CNTNAP2: variants seen among roughly 807,000 people sequenced by gnomAD.
The protein encoded by CNTNAP2 is contactin-associated protein-like 2.
In CNTNAP2, 98 loss-of-function variants were observed where a neutral mutation model predicts 155.2. The observed-to-expected ratio is 0.63, with a 90% CI of 0.54 to 0.75. The LOEUF (loss-of-function observed/expected upper bound fraction) is 0.75. Among genes scored for constraint, CNTNAP2 ranks in the 30% least tolerant of loss-of-function variants. The pLI is 0.00. For synonymous variants in CNTNAP2, 651 were observed against 631.2 expected, an observed-to-expected ratio of 1.03 and a Z score of -0.47; for missense variants, 1,727 against 1,688.1, an observed-to-expected ratio of 1.02 and a Z score of -0.40.
At chr7:146,662,312 A>G (rs903189748) in intron 1 of CNTNAP2, among the ~76,000 whole-genome samples, 3 of 151,358 alleles carry the variant, frequency 2.0e-5, no homozygotes, top group Admixed American at 1.3e-4. Context: ...TAGTTTTTCT[A>G]TTTTTAGCAG....
chr7:146,700,111 G>A (rs1473957642), intron 1 of CNTNAP2, among the ~76,000 whole-genome samples: 1 of 152,158 alleles, frequency 6.6e-6, no homozygotes, highest in Non-Finnish European at 1.5e-5. Context: ...ATGAATAAGA[G>A]TGTAGCCCCT....
At chr7:146,728,856 T>C (rs371103471) in intron 1 of CNTNAP2, among the ~76,000 whole-genome samples, 3 of 152,238 alleles carry the variant, frequency 2.0e-5, no homozygotes, top group South Asian at 2.1e-4. Context: ...CTGTTTACCA[T>C]AGAAGGGGAT....
intron 1 of CNTNAP2, among the ~76,000 whole-genome samples, chr7:146,197,582 G>T (rs749713622): frequency 5.3e-5 from 8 of 152,078 alleles, no homozygotes; most frequent in Non-Finnish European, 4.4e-5. Context: ...TCACTAATTT[G>T]TTTCCAGATA....
At chr7:146,161,954 G>C (rs1375182186) in intron 1 of CNTNAP2, among the ~76,000 whole-genome samples, 2 of 152,108 alleles carry the variant, frequency 1.3e-5, no homozygotes, top group African/African-American at 4.8e-5. Context: ...AAACTGGCTA[G>C]CCATATGTAG....
intron 3 of CNTNAP2, among the ~76,000 whole-genome samples, chr7:147,002,212 T>A (rs568343133): frequency 6.6e-6 from 1 of 152,150 alleles, no homozygotes; most frequent in South Asian, 2.1e-4. Context: ...AAAAAGAGAA[T>A]GTCCAGCCAA....
intron 1 of CNTNAP2, among the ~76,000 whole-genome samples, chr7:146,739,969 T>C (rs954085127): frequency 2.6e-5 from 4 of 152,084 alleles, no homozygotes; most frequent in Non-Finnish European, 5.9e-5. Flanking sequence ...TTCTATTCTC[T>C]TTTGGTTTCT....
At chr7:147,504,233 C>CTCAGA (rs1798867183) in intron 11 of CNTNAP2, among the ~76,000 whole-genome samples, 1 of 152,096 alleles carries the variant, frequency 6.6e-6, no homozygotes, top group Admixed American at 6.5e-5. Flanking sequence ...CCCAGTGCAT[C>CTCAGA]AGCCTGAGAG....
At chr7:146,291,547 T>C (rs1266244105) in intron 1 of CNTNAP2, among the ~76,000 whole-genome samples, 4 of 152,138 alleles carry the variant, frequency 2.6e-5, no homozygotes, top group African/African-American at 4.8e-5. Context: ...TACTTAGACC[T>C]TCACAGAAAC....
chr7:146,148,475 A>G (rs1195280849), intron 1 of CNTNAP2, among the ~76,000 whole-genome samples: 1 of 152,150 alleles, frequency 6.6e-6, no homozygotes, highest in East Asian at 1.9e-4. Context: ...AGAATTCTCA[A>G]TGTGGGGTTA....
At chr7:147,603,776 C>T (rs1009551754) in intron 12 of CNTNAP2, among the ~76,000 whole-genome samples, 1 of 150,630 alleles carries the variant, frequency 6.6e-6, no homozygotes, top group Non-Finnish European at 1.5e-5. Context: ...CAATCCTAAG[C>T]CAAAAGAACA....
At chr7:147,860,747 C>T (rs554191527) in intron 13 of CNTNAP2, among the ~76,000 whole-genome samples, 252 of 152,258 alleles carry the variant, frequency 1.7e-3, no homozygotes, top group African/African-American at 5.7e-3. Context: ...AACTAAACCT[C>T]TTTCTTTATA....
chr7:148,183,552 G>A (rs766059035), intron 18 of CNTNAP2, among the ~76,000 whole-genome samples: 4 of 147,232 alleles, frequency 2.7e-5, no homozygotes, highest in Admixed American at 6.9e-5. Flanking sequence ...TGCAATGATG[G>A]CTCACTGCAT....
chr7:146,333,708 A>G (rs2129095041), intron 1 of CNTNAP2, among the ~76,000 whole-genome samples: 1 of 152,362 alleles, frequency 6.6e-6, no homozygotes, highest in Middle Eastern at 3.4e-3. Flanking sequence ...AACATGATAG[A>G]AAATTATTTC....
At chr7:146,136,122 G>A (rs1316369875) in intron 1 of CNTNAP2, among the ~76,000 whole-genome samples, 1 of 152,050 alleles carries the variant, frequency 6.6e-6, no homozygotes, top group Non-Finnish European at 1.5e-5. Context: ...CTAATAAAAA[G>A]CATTTCCACA....
intron 13 of CNTNAP2, among the ~76,000 whole-genome samples, chr7:147,819,338 G>T (rs1402102465): frequency 6.6e-6 from 1 of 152,048 alleles, no homozygotes; most frequent in Admixed American, 6.6e-5. Context: ...TTTCACTTCA[G>T]CTTTTCAACA....
At chr7:147,572,677 A>G (rs553926312) in intron 12 of CNTNAP2, among the ~76,000 whole-genome samples, 14 of 150,894 alleles carry the variant, frequency 9.3e-5, no homozygotes, top group Admixed American at 5.3e-4. Context: ...GTCTACAGTA[A>G]TCAACTATTC....
rs140936620 is a variant in CNTNAP2, at chr7:148,087,182, G to A, written c.2384-30936G>A. Among the ~76,000 whole-genome samples the A allele has an allele frequency of 3.4e-3, 520 of 152,132 alleles. 3 individuals carry two copies. The highest frequency in any genetic ancestry group is 0.012 in the African/African-American group (496 of 41,496). On this transcript the variant is annotated intron_variant, in intron 15 of 23. Transcript: ENST00000361727. ...GGTCACTGGTACCAATAAAATGCTA[G>A]TCTTCATTCCTATCCAGTTATTATG...
intron 3 of CNTNAP2, among the ~76,000 whole-genome samples, chr7:146,890,297 TG>T (rs1795750065): frequency 6.6e-6 from 1 of 152,202 alleles, no homozygotes; most frequent in Non-Finnish European, 1.5e-5. Flanking sequence ...CAGTTGAAGC[TG>T]GTATCGCTGT....
chr7:146,850,442 G>A (rs978597828), intron 3 of CNTNAP2, among the ~76,000 whole-genome samples: 4 of 152,174 alleles, frequency 2.6e-5, no homozygotes, highest in Admixed American at 1.3e-4. Flanking sequence ...AACTTCAGCT[G>A]CACAAATTAA....
Sources: allele counts gnomAD v4.1 joint callset (sites outside exome capture counted in the v4.1 genomes callset), GRCh38; gene constraint gnomAD v4.1.1; transcripts MANE v1.5; gene names NCBI Gene and HGNC (gene_info 2026-07-23, HGNC 2026-07-21).